SLC6A14: variants seen among roughly 807,000 people sequenced by gnomAD.
SLC6A14 encodes the protein sodium- and chloride-dependent neutral and basic amino acid transporter B(0+).
A neutral mutation model predicts 51.4 loss-of-function variants in SLC6A14; 21 were observed. The observed-to-expected ratio is 0.41, with a 90% CI of 0.29 to 0.59. The LOEUF (loss-of-function observed/expected upper bound fraction) is 0.59. Ranked by LOEUF, SLC6A14 falls within the 20% of genes least tolerant of loss-of-function variation. The probability of loss-of-function intolerance (pLI) is 0.31; values close to 1 mark genes in which losing one functional copy is unlikely to be tolerated. For synonymous variants in SLC6A14, 177 were observed against 160.7 expected, an observed-to-expected ratio of 1.10 and a Z score of -0.77; for missense variants, 371 against 472.8, an observed-to-expected ratio of 0.78 and a Z score of 2.00.
chrX:116,442,602 T>C (rs960733519), intron 3 of SLC6A14, 85 bp from the exon 4 acceptor site: 4 of 740,653 alleles, frequency 5.4e-6, no homozygotes, highest in African/African-American at 2.2e-5. Flanking sequence ...GATTTTGTGG[T>C]AATTGAGATA....
Position 116,436,714 on chromosome X carries a change from A to G in SLC6A14, c.5A>G (p.Asp2Gly). The change falls in exon 1 of 14, where the codon GAC (aspartate) becomes GGC (glycine). Residue 2 changes from aspartate to glycine, a missense_variant. This residue lies in a region of SLC6A14 where 277 missense variants were observed against 391.8 expected (regional missense o/e 0.71). Transcript: ENST00000598581. Reference protein sequence around the residue: MDKLKCPSFFKC... With the variant: MGKLKCPSFFKC... ...AGCCAGCCGAGGGAGTGAACCATGG[A>G]CAAGTTGAAATGCCCGAGTTTCTTC... 8.6e-7 allele frequency: 1 copy of G among 1,165,643 alleles called. No individual in the cohort carries two copies. The highest frequency in any genetic ancestry group is 1.9e-5 in the South Asian group (1 of 52,374).
chrX:116,438,576 G>A (rs782062632), intron 2 of SLC6A14, among the ~76,000 whole-genome samples: 21 of 111,923 alleles, frequency 1.9e-4, no homozygotes, highest in Non-Finnish European at 3.8e-4. Context: ...AAAAAACACT[G>A]TTTATACCTT....
chrX:116,454,251 T>C (rs1927879754), intron 9 of SLC6A14, 73 bp from the exon 10 acceptor site: 5 of 599,588 alleles, frequency 8.3e-6, no homozygotes. Context: ...TTGATTAACA[T>C]ACATTGAATT....
At position 116,459,181 on chromosome X, in the gene SLC6A14, C is replaced by T; in HGVS notation, c.*226C>T. Reference sequence around the variant, plus strand: ...TTAGATTGTCTATCTGTATAACACACACACACACACCTAAGAGTCTCTATT... The same window carrying T: ...TTAGATTGTCTATCTGTATAACACATACACACACACCTAAGAGTCTCTATT... On this transcript the variant is annotated 3_prime_UTR_variant, in exon 14 of 14. Transcript: ENST00000598581. The T allele has an allele frequency of 3.6e-6, 1 of 275,754 alleles. No homozygotes were observed. The allele number at this position is 275,754 out of a possible 1,213,427, so 22.7% of individuals were successfully genotyped here. A position where few individuals can be genotyped will look rare whatever the true frequency, so the allele number is the denominator to read the frequency against.
In SLC6A14 at chrX:116,441,072, T is replaced by A. The variant is rs1556693642; in HGVS notation, c.321T>A (p.Val107=). 2 of 1,211,198 alleles carry A rather than the reference T, an allele frequency of 1.7e-6. No individual in the cohort carries two copies. Among genetic ancestry groups the A allele is most frequent in the South Asian group, 3.5e-5 (2 of 56,989 alleles). Residue 107 remains valine (V), a synonymous_variant, in exon 3 of 14, where the codon GTT becomes GTA. Transcript: ENST00000598581. ...GQFASLGPVS[V]WRILPLFQGV... ...TTGCTAGCTTAGGTCCAGTTTCAGT[T>A]TGGAGGATTCTTCCATTGTTTCAAG...
chrX:116,439,974 A>G (rs370417256), intron 2 of SLC6A14, among the ~76,000 whole-genome samples: 7 of 111,733 alleles, frequency 6.3e-5, no homozygotes, highest in African/African-American at 2.3e-4. Context: ...TTACAGTATC[A>G]TAATATGAAA....
intron 2 of SLC6A14, among the ~76,000 whole-genome samples, chrX:116,439,542 C>T (rs1019473735): frequency 1.8e-5 from 2 of 111,249 alleles, no homozygotes; most frequent in Non-Finnish European, 3.8e-5. Flanking sequence ...TCTAGGTCTG[C>T]AGTATTGACA....
In SLC6A14 at chrX:116,454,348, A is replaced by T. The variant is rs1161224929; in HGVS notation, c.1310A>T (p.Asp437Val). The change falls in exon 10 of 14, where the codon GAT becomes GTT. Residue 437 changes from aspartate to valine, a missense_variant. Transcript: ENST00000598581. ...GAAACGATCACAACAACAATTCAAG[A>T]TTTATTTCCCAAAGTGATGAAGAAA... ...SIETITTTIQDLFPKVMKKMR... is the reference protein window; with the variant it reads ...SIETITTTIQVLFPKVMKKMR... 9 of 1,198,031 alleles carry T rather than the reference A, an allele frequency of 7.5e-6. No individual in the cohort carries two copies. The highest frequency in any genetic ancestry group is 1.0e-5 in the Non-Finnish European group (9 of 886,434).
intron 6 of SLC6A14, among the ~76,000 whole-genome samples, chrX:116,446,161 A>G (rs1556694002): frequency 1.0e-5 from 1 of 99,787 alleles, no homozygotes; most frequent in Non-Finnish European, 2.2e-5. Context: ...CTCAAAGGCA[A>G]TCTGCTCATC....
intron 13 of SLC6A14, 144 bp downstream of exon 13, chrX:116,457,920 G>T: frequency 2.2e-6 from 1 of 450,347 alleles, no homozygotes; most frequent in South Asian, 4.1e-5. Flanking sequence ...ACCTGACACA[G>T]TCATCTGTTA....
chrX:116,455,237 G>C (rs1209506324), intron 11 of SLC6A14, 120 bp from the exon 12 acceptor site: 2 of 636,014 alleles, frequency 3.1e-6, no homozygotes. Flanking sequence ...TATAATTACA[G>C]GTGTATGATT....
intron 3 of SLC6A14, among the ~76,000 whole-genome samples, chrX:116,442,474 A>T (rs892072395): frequency 2.7e-5 from 3 of 110,976 alleles, no homozygotes; most frequent in Admixed American, 9.6e-5. Flanking sequence ...CATGTTGGCC[A>T]GGCTGGTCTC....
intron 12 of SLC6A14, among the ~76,000 whole-genome samples, chrX:116,457,146 A>G (rs186183966): frequency 9.0e-4 from 101 of 111,764 alleles, no homozygotes; most frequent in African/African-American, 3.1e-3. Flanking sequence ...GCAATTCCTA[A>G]GCAAGGAGAA....
chrX:116,457,905 T>A (rs1556694896), intron 13 of SLC6A14, 129 bp downstream of exon 13: 5 of 481,626 alleles, frequency 1.0e-5, no homozygotes, highest in African/African-American at 2.4e-5. Flanking sequence ...CTTGGCTACT[T>A]CTATACCTGA....
chrX:116,447,605 CT>C (rs1354292375), intron 7 of SLC6A14, among the ~76,000 whole-genome samples: 30 of 74,015 alleles, frequency 4.1e-4, no homozygotes, highest in African/African-American at 1.2e-3. Flanking sequence ...TTTTTTTTTT[CT>C]TTTTTTTTTG....
At chrX:116,447,018 C>G in intron 7 of SLC6A14, 137 bp downstream of exon 7, 1 of 445,904 alleles carries the variant, frequency 2.2e-6, no homozygotes, top group Non-Finnish European at 3.7e-6. Flanking sequence ...TAGTTTCTAT[C>G]CACTAGGATG....
Position 116,445,003 on chromosome X carries a change from C to G in SLC6A14, c.742C>G (p.Leu248Val). The G allele has an allele frequency of 8.3e-7, 1 of 1,208,543 alleles. No individual in the cohort carries two copies. The highest frequency in any genetic ancestry group is 1.1e-6 in the Non-Finnish European group (1 of 893,911). ...YLALCLLLAW[L>V]IVGAALFKGI... ...AGCACTTTGTCTTCTTCTGGCTTGG[C>G]TCATAGTTGGAGCAGCACTATTTAA... Residue 248 changes from leucine to valine, a missense_variant, in exon 6 of 14, where the codon CTC (leucine) becomes GTC (valine). By Grantham distance (32) the Leu-to-Val change is conservative. Coordinates refer to ENST00000598581, the MANE Select transcript of SLC6A14 (RefSeq NM_007231.5).
chrX:116,445,136 T>C (rs1569539644), intron 6 of SLC6A14, 86 bp downstream of exon 6: 1 of 958,730 alleles, frequency 1.0e-6, no homozygotes, highest in Non-Finnish European at 1.4e-6. Context: ...AAAGCATGTT[T>C]TTTTTCTATA....
At chrX:116,439,977 A>G (rs182169173) in intron 2 of SLC6A14, among the ~76,000 whole-genome samples, 342 of 111,683 alleles carry the variant, frequency 3.1e-3, no homozygotes, top group African/African-American at 9.6e-3. Context: ...CAGTATCATA[A>G]TATGAAAAAT....
Sources: gnomAD v4.1 joint callset for allele counts (sites outside exome capture counted in the v4.1 genomes callset) on GRCh38, gnomAD v4.1.1 for gene constraint, gnomAD v4.1.1 regional missense constraint, MANE v1.5 for transcripts, NCBI Gene and HGNC (gene_info 2026-07-23, HGNC 2026-07-21) for gene names.